The following IBTK variants were observed in gnomAD, a reference collection of about 807,000 sequenced individuals.
The protein encoded by IBTK is inhibitor of Bruton tyrosine kinase, also known as BTK-binding protein.
IBTK carries 83 observed loss-of-function variants against 154.9 expected under a neutral mutation model. The observed-to-expected ratio is 0.54, with a 90% confidence interval of 0.45 to 0.64. IBTK has a LOEUF of 0.64. Among genes scored for constraint, IBTK ranks in the 30% least tolerant of loss-of-function variants. IBTK has a pLI of 0.00. For synonymous variants in IBTK, 515 were observed against 536.1 expected (o/e 0.96, Z 0.54); for missense variants, 1,332 against 1,584.6 (o/e 0.84, Z 2.71).
At chr6:82,220,212 AAAAT>A (rs1435948949) in intron 9 of IBTK, among the ~76,000 whole-genome samples, 2 of 152,204 alleles carry the variant, frequency 1.3e-5, no homozygotes, top group African/African-American at 2.4e-5. Context: ...TGTCTCAAAA[AAAAT>A]AAATAAATAA....
At chr6:82,231,190 A>G (rs962919824) in intron 4 of IBTK, among the ~76,000 whole-genome samples, 3 of 152,182 alleles carry the variant, frequency 2.0e-5, no homozygotes, top group Non-Finnish European at 2.9e-5. Context: ...CCAACTTCAC[A>G]TAAGATTAAA....
intron 8 of IBTK, among the ~76,000 whole-genome samples, 191 bp downstream of exon 8, chr6:82,223,249 G>A (rs374754635): frequency 1.3e-5 from 2 of 152,080 alleles, no homozygotes; most frequent in South Asian, 2.1e-4. Context: ...AATTTACACA[G>A]AAATTTTATA....
At chr6:82,240,088 G>T in intron 2 of IBTK, 78 bp downstream of exon 2, 6 of 1,240,684 alleles carry the variant, frequency 4.8e-6, no homozygotes, top group South Asian at 2.9e-5. Context: ...TTTCCAAAAA[G>T]CATGTAGGAT....
intron 16 of IBTK, among the ~76,000 whole-genome samples, chr6:82,207,557 C>G (rs1023031465): frequency 1.3e-5 from 2 of 152,204 alleles, no homozygotes; most frequent in African/African-American, 4.8e-5. Flanking sequence ...ATCCCAGCTG[C>G]CTTTATTGCA....
intron 26 of IBTK, among the ~76,000 whole-genome samples, chr6:82,178,414 ACTTAT>A (rs1488338417): frequency 2.0e-5 from 3 of 152,110 alleles, no homozygotes; most frequent in Non-Finnish European, 1.5e-5. Flanking sequence ...AAAATACAAA[ACTTAT>A]CTTAATTTTC....
At chr6:82,200,037 G>C (rs1769142844) in intron 21 of IBTK, 104 bp downstream of exon 21, 2 of 721,252 alleles carry the variant, frequency 2.8e-6, no homozygotes, top group Non-Finnish European at 2.3e-6. Context: ...ATCACTTTTG[G>C]TACCTCCATA....
intron 21 of IBTK, among the ~76,000 whole-genome samples, chr6:82,199,287 C>T (rs1049063050): frequency 2.0e-5 from 3 of 151,728 alleles, no homozygotes; most frequent in Non-Finnish European, 2.9e-5. Context: ...AAAGAGGAGA[C>T]AGTAAGCAAC....
At chr6:82,226,770 C>A (rs1228310026) in intron 5 of IBTK, among the ~76,000 whole-genome samples, 1 of 152,064 alleles carries the variant, frequency 6.6e-6, no homozygotes. Context: ...CCATGCCCAG[C>A]TAATTTTGTA....
chr6:82,200,758 T>TG, intron 19 of IBTK, 50 bp from the exon 20 acceptor site: 7 of 1,204,216 alleles, frequency 5.8e-6, no homozygotes, highest in African/African-American at 1.7e-5. Context: ...GTGAAGTTTT[T>TG]TTTTTTTTTT....
chr6:82,196,543 C>A, intron 21 of IBTK, 97 bp from the exon 22 acceptor site: 1 of 564,296 alleles, frequency 1.8e-6, no homozygotes, highest in Admixed American at 4.0e-5. Context: ...TTCATTTATC[C>A]AGATTTAATA....
rs1281578848 is a variant in IBTK at position 82,231,702 on chromosome 6, TG to T, written c.543+15del. 1.3e-6 allele frequency: 2 copies of T among 1,584,576 alleles called. No individual in the cohort carries two copies. Among genetic ancestry groups the T allele is most frequent in the Non-Finnish European group, 1.7e-6 (2 of 1,166,306 alleles). ...TTCTCATCTCTAAAAGTATATAGAT[TG>T]TACTTCAAAAATACCTGCTTGATAT... On this transcript the variant is annotated intron_variant, in intron 4 of 28. Transcript: ENST00000306270.
intron 25 of IBTK, among the ~76,000 whole-genome samples, chr6:82,184,154 T>C (rs1481984202): frequency 1.3e-5 from 2 of 152,222 alleles, no homozygotes; most frequent in African/African-American, 4.8e-5. Flanking sequence ...TATGCCATAA[T>C]TGGAAACAGT....
chr6:82,188,925 G>A, intron 25 of IBTK: 1 of 335,298 alleles, frequency 3.0e-6, no homozygotes, highest in Non-Finnish European at 5.7e-6. Context: ...AGCTATTCAG[G>A]AGGCTGAGAC....
At position 82,220,937 on chromosome 6, in the gene IBTK, TACACACACACACACACAC is replaced by T. The variant is rs57358110; in HGVS notation, c.1125-242_1125-225del. On this transcript the variant is annotated intron_variant, in intron 8 of 28. Coordinates refer to ENST00000306270, the MANE Select transcript of IBTK (RefSeq NM_015525.4). ...TCTTTTTCTCTTAAATGACTTTACCTACACACACACACACACACACACACACACACACACACACACACA... is the reference window on the plus strand; with the variant it reads ...TCTTTTTCTCTTAAATGACTTTACCTACACACACACACACACACACACACA... 6.2e-3 allele frequency among the ~76,000 whole-genome samples: 812 copies of T among 130,160 alleles called. 9 individuals carry two copies. Among genetic ancestry groups the T allele is most frequent in the African/African-American group, 0.022 (769 of 34,286 alleles). 85.4% of individuals were successfully genotyped at this position (130,160 alleles called of 152,430 possible).
chr6:82,220,207 C>CA (rs1436186271), intron 9 of IBTK, among the ~76,000 whole-genome samples: 3 of 151,246 alleles, frequency 2.0e-5, no homozygotes, highest in Non-Finnish European at 2.9e-5. Flanking sequence ...GAGACTGTCT[C>CA]AAAAAAAATA....
chr6:82,220,776 C>G lies in IBTK; in HGVS notation c.1125-63G>C, dbSNP rs1404346566. 2.3e-6 allele frequency: 3 copies of G among 1,283,312 alleles called. No individual in the cohort carries two copies. The African/African-American group carries it at 4.6e-5, about 20-fold the overall frequency. The allele number at this position is 1,283,312 out of a possible 1,614,324, so 79.5% of individuals were successfully genotyped here. A position where few individuals can be genotyped will look rare whatever the true frequency, so the allele number is the denominator to read the frequency against. Reference sequence around the variant, plus strand: ...CTCTAAACTACACATGCCTAAACTTCAAAGAAGTTAGTATTCAAACAACAA... The same window carrying G: ...CTCTAAACTACACATGCCTAAACTTGAAAGAAGTTAGTATTCAAACAACAA... On this transcript the variant is annotated intron_variant, in intron 8 of 28. Transcript: ENST00000306270.
chr6:82,233,771 T>C (rs1251028343), intron 3 of IBTK, among the ~76,000 whole-genome samples: 1 of 146,562 alleles, frequency 6.8e-6, no homozygotes, highest in Non-Finnish European at 1.5e-5. Context: ...TGGAGTGCAG[T>C]GGCAAGATCT....
At chr6:82,235,178 T>C (rs772835509) in intron 2 of IBTK, among the ~76,000 whole-genome samples, 2 of 151,998 alleles carry the variant, frequency 1.3e-5, no homozygotes, top group African/African-American at 4.8e-5. Context: ...TTTTTAACAA[T>C]AAAGCATTTC....
intron 25 of IBTK, among the ~76,000 whole-genome samples, chr6:82,189,498 C>A (rs756845940): frequency 6.6e-6 from 1 of 152,086 alleles, no homozygotes; most frequent in Non-Finnish European, 1.5e-5. Context: ...TTATCAGAAA[C>A]CTACTGGAGT....
Sources: gnomAD v4.1 joint callset for allele counts (sites outside exome capture counted in the v4.1 genomes callset) on GRCh38, gnomAD v4.1.1 for gene constraint, MANE v1.5 for transcripts, NCBI Gene and HGNC (gene_info 2026-07-23, HGNC 2026-07-21) for gene names.